Variants in PTPRF observed in about 807,000 individuals in gnomAD.
PTPRF encodes protein tyrosine phosphatase receptor type F.
PTPRF carries 59 observed loss-of-function variants against 201.8 expected under a neutral mutation model. The observed-to-expected ratio is 0.29, with a 90% confidence interval of 0.24 to 0.36. PTPRF has a LOEUF of 0.36. PTPRF is among the 10% of genes least tolerant of loss of function. The pLI is 1.00. For missense variants in PTPRF, 2,132 were observed against 2,690.5 expected (o/e 0.79, Z 4.59); for synonymous variants, 1,088 against 1,089.7 (o/e 1.00, Z 0.03).
At chr1:43,579,460 C>T in intron 7 of PTPRF, 1 of 347,726 alleles carries the variant, frequency 2.9e-6, no homozygotes, top group Non-Finnish European at 5.7e-6. Flanking sequence ...TGGAGGAACC[C>T]TTGTGTTCAG....
At position 43,553,625 on chromosome 1, in the gene PTPRF, C is replaced by G; in HGVS notation, c.225C>G (p.Ser75=). Residue 75 remains serine, a synonymous_variant, in exon 4 of 34, where the codon TCC becomes TCG. Coordinates refer to ENST00000359947, the MANE Select transcript of PTPRF (RefSeq NM_002840.5). The surrounding 1 kb of genome is among the most constrained non-coding windows in gnomAD (Gnocchi z 4.1). ...TGAAGAAGGGGAAGAAAGTCAGCTCCCAGCGCTTCGAGGTGCGTCTGTGGT... is the reference window on the plus strand; with the variant it reads ...TGAAGAAGGGGAAGAAAGTCAGCTCGCAGCGCTTCGAGGTGCGTCTGTGGT... ...TWMKKGKKVS[S]QRFEVIEFDD... 1 of 1,614,160 alleles carries G rather than the reference C, an allele frequency of 6.2e-7. No individual in the cohort carries two copies. The highest frequency in any genetic ancestry group is 1.1e-5 in the South Asian group (1 of 91,084).
Position 43,606,277 on chromosome 1 carries a change from G to A in PTPRF, c.3521G>A (p.Arg1174Gln), listed in dbSNP as rs377569778. Residue 1174 changes from arginine to glutamine, a missense_variant, in exon 20 of 34, where the codon CGG becomes CAG. Coordinates refer to ENST00000359947, the MANE Select transcript of PTPRF (RefSeq NM_002840.5). ...ATCGAGCAAGGCGGAGAGGAGCAGC[G>A]GCGGCGGCGGCGGCAGGCAGAACGT... ...EAIEQGGEEQ[R>Q]RRRRQAERLK... 1.3e-4 allele frequency: 214 copies of A among 1,602,582 alleles called. No individual in the cohort carries two copies. The highest frequency in any genetic ancestry group is 3.2e-4 in the African/African-American group (24 of 74,768).
At chr1:43,522,054 C>T (rs1642972035), upstream of PTPRF, among the ~76,000 whole-genome samples, 1 of 152,200 alleles carries the variant, frequency 6.6e-6, no homozygotes, top group Non-Finnish European at 1.5e-5. Context: ...TGAGGTCAGG[C>T]TGAAGCTACT....
At chr1:43,524,466 C>T (rs1348716602), upstream of PTPRF, among the ~76,000 whole-genome samples, 3 of 152,086 alleles carry the variant, frequency 2.0e-5, no homozygotes, top group Admixed American at 6.6e-5. Flanking sequence ...TCGAGACCAG[C>T]CTGGGCAATA....
rs765451656 is a variant in PTPRF, at chr1:43,591,846, G to T, written c.1566G>T (p.Val522=). 1 of 1,613,446 alleles carries T rather than the reference G, an allele frequency of 6.2e-7. No homozygotes were observed. ...PAQPADFQAE[V]ESDTRIQLSW... ...AGCCCGCGGACTTCCAGGCCGAGGT[G>T]GAGTCGGACACCAGGATCCAGCTCT... The change falls in exon 10 of 34, where the codon GTG becomes GTT. Residue 522 remains valine (V), a synonymous_variant. Transcript: ENST00000359947.
rs942856773 is a variant in PTPRF at position 43,603,305 on chromosome 1, T to G, written c.2341-111T>G. The G allele has an allele frequency of 2.2e-6, 2 of 924,354 alleles. No individual in the cohort carries two copies. Among genetic ancestry groups the G allele is most frequent in the African/African-American group, 3.3e-5 (2 of 61,528 alleles). 57.3% of individuals were successfully genotyped at this position (924,354 alleles called of 1,614,324 possible). A position where few individuals can be genotyped will look rare whatever the true frequency, so the allele number is the denominator to read the frequency against. On this transcript the variant is annotated intron_variant, in intron 14 of 33. Coordinates refer to ENST00000359947, the MANE Select transcript of PTPRF (RefSeq NM_002840.5). The surrounding 1 kb of genome is among the most constrained non-coding windows in gnomAD (Gnocchi z 5.8). ...GTATAGCCCCACCTTCCACAACCCC[T>G]GGCCTTGTGTGCCCCGGGGCTCCCC...
At chr1:43,593,692 G>A (rs1651475835) in intron 11 of PTPRF, among the ~76,000 whole-genome samples, 1 of 37,544 alleles carries the variant, frequency 2.7e-5, no homozygotes, top group African/African-American at 7.6e-5. Context: ...GTCATTAAAA[G>A]CTCATTTGGA....
intron 6 of PTPRF, among the ~76,000 whole-genome samples, chr1:43,570,411 G>C (rs1646489146): frequency 1.3e-5 from 2 of 152,268 alleles, no homozygotes; most frequent in African/African-American, 4.8e-5. Flanking sequence ...GAACAGAGCA[G>C]GCGGGAAAAG....
At chr1:43,570,566 T>C (rs1214149195) in intron 6 of PTPRF, among the ~76,000 whole-genome samples, 1 of 152,244 alleles carries the variant, frequency 6.6e-6, no homozygotes, top group African/African-American at 2.4e-5. Flanking sequence ...CCCTTCTGCC[T>C]GTCAGTTGTG....
chr1:43,522,904 G>A (rs975610000), upstream of PTPRF, among the ~76,000 whole-genome samples: 15 of 152,212 alleles, frequency 9.9e-5, no homozygotes, highest in Non-Finnish European at 1.5e-4. Context: ...GAAGGTTTTC[G>A]TGGCGGAGTG....
At chr1:43,550,327 GCTT>G (rs1018138529) in intron 3 of PTPRF, among the ~76,000 whole-genome samples, 10 of 152,112 alleles carry the variant, frequency 6.6e-5, no homozygotes, top group African/African-American at 1.9e-4. Flanking sequence ...TCTCCTCTCC[GCTT>G]CTTTGTTTGG....
At chr1:43,611,154 G>T (rs867788255) in intron 22 of PTPRF, among the ~76,000 whole-genome samples, 1 of 152,216 alleles carries the variant, frequency 6.6e-6, no homozygotes, top group African/African-American at 2.4e-5. Flanking sequence ...TCTTCAGGTG[G>T]CCTGGGCTTC....
intron 13 of PTPRF, among the ~76,000 whole-genome samples, chr1:43,599,607 C>T (rs1653239812): frequency 6.6e-6 from 1 of 152,214 alleles, no homozygotes; most frequent in Non-Finnish European, 1.5e-5. Context: ...GGCCTGCTGG[C>T]CAGCCTCACA....
chr1:43,622,139 A>G lies in PTPRF; in HGVS notation c.*136A>G. 2 of 919,480 alleles carry G rather than the reference A, an allele frequency of 2.2e-6. No individual in the cohort carries two copies. The highest frequency in any genetic ancestry group is 3.4e-6 in the Non-Finnish European group (2 of 591,974). The allele number at this position is 919,480 out of a possible 1,614,324, so 57.0% of individuals were successfully genotyped here. A position where few individuals can be genotyped will look rare whatever the true frequency, so the allele number is the denominator to read the frequency against. On this transcript the variant is annotated 3_prime_UTR_variant, in exon 34 of 34. Transcript: ENST00000359947. ...GCAGAGCACAGCCCACGGGGATCAC[A>G]GCGTTTCAGGAACGTTGCCACACCA...
intron 8 of PTPRF, among the ~76,000 whole-genome samples, chr1:43,590,135 C>T (rs867704555): frequency 3.3e-5 from 5 of 152,172 alleles, no homozygotes; most frequent in South Asian, 4.1e-4. Context: ...TTCCGTTTGC[C>T]GTGCTCCTTG....
intron 5 of PTPRF, among the ~76,000 whole-genome samples, chr1:43,562,133 G>A (rs1304273671): frequency 6.6e-6 from 1 of 151,768 alleles, no homozygotes; most frequent in Non-Finnish European, 1.5e-5. Context: ...TTTTGAGATG[G>A]TGTCTGACTC....
intron 1 of PTPRF, among the ~76,000 whole-genome samples, chr1:43,535,628 G>C (rs1643953276): frequency 6.6e-6 from 1 of 152,128 alleles, no homozygotes; most frequent in Non-Finnish European, 1.5e-5. Context: ...CCACTGCCGG[G>C]CCAGGTTTCA....
chr1:43,582,991 T>G, intron 7 of PTPRF: 1 of 900,608 alleles, frequency 1.1e-6, no homozygotes, highest in Non-Finnish European at 1.3e-6. Flanking sequence ...GTTGGCCTGT[T>G]TTTACTCTCT....
At chr1:43,565,314 G>A (rs1646085487) in intron 5 of PTPRF, among the ~76,000 whole-genome samples, 3 of 152,176 alleles carry the variant, frequency 2.0e-5, no homozygotes, top group Admixed American at 2.0e-4. Context: ...ATCGTCTTCT[G>A]CCCATGGGGC....
Sources: gnomAD v4.1 joint callset for allele counts (sites outside exome capture counted in the v4.1 genomes callset) on GRCh38, gnomAD v4.1.1 for gene constraint, Gnocchi (gnomAD v3.1) non-coding constraint, MANE v1.5 for transcripts, NCBI Gene and HGNC (gene_info 2026-07-23, HGNC 2026-07-21) for gene names.